Variants in NCAM2 observed in about 807,000 individuals in gnomAD.
NCAM2 encodes N-CAM-2.
In NCAM2, 30 loss-of-function variants were observed where a neutral mutation model predicts 98.1. The ratio of observed to expected loss-of-function variants is 0.31; its 90% CI spans 0.23 to 0.41. The LOEUF is 0.41. Ranked by LOEUF, NCAM2 falls within the 10% of genes least tolerant of loss-of-function variation. NCAM2 has a pLI of 1.00. For synonymous variants in NCAM2, 368 were observed against 342.4 expected (o/e 1.07, Z -0.83); for missense variants, 867 against 1,005.8 (o/e 0.86, Z 1.87).
chr21:21,426,833 G>A (rs1236286200), intron 11 of NCAM2, among the ~76,000 whole-genome samples: 1 of 152,130 alleles, frequency 6.6e-6, no homozygotes, highest in Non-Finnish European at 1.5e-5. Context: ...AACCATAGCA[G>A]CAAGTCAGTC....
At chr21:21,116,804 G>C (rs113947153) in intron 1 of NCAM2, among the ~76,000 whole-genome samples, 3,780 of 151,776 alleles carry the variant, frequency 0.025, 129 homozygotes, top group African/African-American at 0.082. Context: ...GCAGTGAGCC[G>C]AGATCGTGCC....
chr21:21,137,465 T>A (rs561725859), intron 1 of NCAM2, among the ~76,000 whole-genome samples: 32 of 152,128 alleles, frequency 2.1e-4, no homozygotes, highest in Admixed American at 7.2e-4. Flanking sequence ...GTTGGCCGGG[T>A]GTAGCATTCA....
At chr21:21,522,367 G>A (rs1308272676) in intron 16 of NCAM2, among the ~76,000 whole-genome samples, 4 of 150,046 alleles carry the variant, frequency 2.7e-5, no homozygotes, top group Non-Finnish European at 4.4e-5. Context: ...AGGTAAAAAC[G>A]CCCTTACTGA....
chr21:21,082,441 C>T (rs570531768), intron 1 of NCAM2, among the ~76,000 whole-genome samples: 3 of 151,948 alleles, frequency 2.0e-5, no homozygotes, highest in African/African-American at 4.8e-5. Context: ...TGTCCTGTTT[C>T]GTAGACTAAA....
intron 1 of NCAM2, among the ~76,000 whole-genome samples, chr21:21,190,805 T>C (rs1293438981): frequency 2.0e-5 from 3 of 152,294 alleles, no homozygotes; most frequent in South Asian, 4.1e-4. Flanking sequence ...AGTCTAAGAA[T>C]AGCATGTACC....
At chr21:21,091,092 A>T (rs1320652232) in intron 1 of NCAM2, among the ~76,000 whole-genome samples, 1 of 152,072 alleles carries the variant, frequency 6.6e-6, no homozygotes, top group Non-Finnish European at 1.5e-5. Flanking sequence ...TGTTTCCCCA[A>T]TCTGAGTTCG....
chr21:21,349,919 A>G (rs924152314), intron 8 of NCAM2, among the ~76,000 whole-genome samples: 4 of 152,182 alleles, frequency 2.6e-5, no homozygotes, highest in African/African-American at 9.6e-5. Context: ...TAACCAGATG[A>G]TGGGAAGTAT....
intron 1 of NCAM2, among the ~76,000 whole-genome samples, chr21:21,153,734 T>G (rs2067520292): frequency 6.6e-6 from 1 of 151,898 alleles, no homozygotes; most frequent in Admixed American, 6.6e-5. Flanking sequence ...GGTCAAAATG[T>G]GAAGAGTATT....
intron 1 of NCAM2, among the ~76,000 whole-genome samples, chr21:21,100,279 C>G (rs953653150): frequency 2.6e-5 from 4 of 151,852 alleles, no homozygotes; most frequent in African/African-American, 9.7e-5. Flanking sequence ...GAGATTATAT[C>G]AAGAGGGACC....
At chr21:21,483,906 T>A (rs1316353069) in intron 15 of NCAM2, among the ~76,000 whole-genome samples, 2 of 152,180 alleles carry the variant, frequency 1.3e-5, no homozygotes, top group African/African-American at 4.8e-5. Context: ...ATTATGTGAA[T>A]ATGCAATTTT....
chr21:21,030,820 C>T (rs562242097), intron 1 of NCAM2, among the ~76,000 whole-genome samples: 1 of 152,172 alleles, frequency 6.6e-6, no homozygotes, highest in East Asian at 1.9e-4. Context: ...CAGCAACTGA[C>T]TTTGTTTAAA....
At position 21,490,585 on chromosome 21, in the gene NCAM2, G is replaced by C. The variant is rs112721602; in HGVS notation, c.2077+13114G>C. Among the ~76,000 whole-genome samples the C allele has an allele frequency of 3.7e-3, 562 of 151,796 alleles. 4 individuals are homozygous for C. The highest frequency in any genetic ancestry group is 0.013 in the African/African-American group (529 of 41,482). On this transcript the variant is annotated intron_variant, in intron 15 of 17. Transcript: ENST00000400546. ...ATATTTTTATTTTTATTCTATGTATGTACTGAATAGGGGCTACGACATAAA... is the reference window on the plus strand; with the variant it reads ...ATATTTTTATTTTTATTCTATGTATCTACTGAATAGGGGCTACGACATAAA...
chr21:21,365,661 C>T (rs1395977751), intron 8 of NCAM2, among the ~76,000 whole-genome samples: 7 of 151,856 alleles, frequency 4.6e-5, no homozygotes, highest in African/African-American at 1.7e-4. Flanking sequence ...TTAATGGGCC[C>T]TGCATATGTA....
intron 1 of NCAM2, among the ~76,000 whole-genome samples, chr21:21,003,645 T>A (rs2064060289): frequency 6.6e-6 from 1 of 152,174 alleles, no homozygotes; most frequent in Non-Finnish European, 1.5e-5. Flanking sequence ...ACAGATTAAT[T>A]TGTGGCTTAT....
At chr21:21,343,594 A>T (rs1347281598) in intron 8 of NCAM2, among the ~76,000 whole-genome samples, 2 of 152,284 alleles carry the variant, frequency 1.3e-5, no homozygotes, top group East Asian at 3.9e-4. Flanking sequence ...AGCAATTTTG[A>T]GGCAGTGAAC....
At chr21:21,074,635 T>C (rs909914449) in intron 1 of NCAM2, among the ~76,000 whole-genome samples, 2 of 152,206 alleles carry the variant, frequency 1.3e-5, no homozygotes, top group African/African-American at 4.8e-5. Context: ...GTTTGGCAGG[T>C]GGAGAAGGTG....
chr21:21,530,484 AT>A (rs951497420), intron 16 of NCAM2, among the ~76,000 whole-genome samples: 4 of 150,594 alleles, frequency 2.7e-5, no homozygotes, highest in East Asian at 1.9e-4. Flanking sequence ...AAGCATTAAT[AT>A]TTTTTTCCTT....
intron 1 of NCAM2, among the ~76,000 whole-genome samples, chr21:21,131,553 A>G (rs1974164): frequency 0.96 from 146,553 of 152,314 alleles, 70,688 homozygotes; most frequent in East Asian, 1. Context: ...GATTACAGGC[A>G]TGAGCCACCA....
At chr21:21,452,848 C>T (rs1417141046) in intron 12 of NCAM2, among the ~76,000 whole-genome samples, 1 of 98,178 alleles carries the variant, frequency 1.0e-5, no homozygotes, top group East Asian at 3.0e-4. Context: ...TAATGTATTG[C>T]ATTATATATG....
Sources: allele counts gnomAD v4.1 joint callset (sites outside exome capture counted in the v4.1 genomes callset), GRCh38; gene constraint gnomAD v4.1.1; transcripts MANE v1.5; gene names NCBI Gene and HGNC (gene_info 2026-07-23, HGNC 2026-07-21).